The following MTHFD1 variants were observed in gnomAD, a reference collection of about 807,000 sequenced individuals.
MTHFD1 encodes the protein C-1-tetrahydrofolate synthase, cytoplasmic.
Under a neutral mutation model 110.3 loss-of-function variants are expected in MTHFD1, and 44 were observed. That is an observed-to-expected ratio of 0.40 (90% confidence interval 0.31 to 0.51). The LOEUF is 0.51. MTHFD1 is among the 20% of genes least tolerant of loss of function. The probability of loss-of-function intolerance (pLI) is 0.60; values close to 1 mark genes in which losing one functional copy is unlikely to be tolerated. For missense variants in MTHFD1, 909 were observed against 1,173.1 expected, an observed-to-expected ratio of 0.77 and a Z score of 3.29; for synonymous variants, 402 against 428.8, an observed-to-expected ratio of 0.94 and a Z score of 0.77.
chr14:64,434,132 A>C (rs2078185027), intron 15 of MTHFD1, among the ~76,000 whole-genome samples: 1 of 152,242 alleles, frequency 6.6e-6, no homozygotes, highest in South Asian at 2.1e-4. Context: ...TTATAGGGAC[A>C]AACATGTTAA....
At chr14:64,428,894 T>C (rs1566566162) in intron 12 of MTHFD1, among the ~76,000 whole-genome samples, 1 of 152,126 alleles carries the variant, frequency 6.6e-6, no homozygotes, top group African/African-American at 2.4e-5. Context: ...TTTGTTCTGC[T>C]CTTGAGCTTG....
chr14:64,403,560 G>A (rs1278461959), intron 2 of MTHFD1, among the ~76,000 whole-genome samples: 2 of 150,268 alleles, frequency 1.3e-5, no homozygotes, highest in African/African-American at 4.9e-5. Flanking sequence ...AAGCCACTGC[G>A]CCCAGCCTTA....
chr14:64,391,090 G>A (rs1011172943), intron 1 of MTHFD1, among the ~76,000 whole-genome samples: 2 of 152,330 alleles, frequency 1.3e-5, no homozygotes, highest in Admixed American at 1.3e-4. Flanking sequence ...CCCAGTATAT[G>A]ATGTTTTTCA....
chr14:64,411,541 A>G (rs1426818002), intron 3 of MTHFD1, among the ~76,000 whole-genome samples: 1 of 152,198 alleles, frequency 6.6e-6, no homozygotes, highest in African/African-American at 2.4e-5. Context: ...TTCATGTAAG[A>G]GGTGGGTAGG....
intron 4 of MTHFD1, among the ~76,000 whole-genome samples, chr14:64,414,932 A>G (rs189667851): frequency 0.011 from 1,719 of 150,258 alleles, 25 homozygotes; most frequent in Middle Eastern, 0.032. Context: ...CAGGTGATCC[A>G]CCCACCTCAG....
chr14:64,458,596 A>G, intron 27 of MTHFD1: 5 of 449,716 alleles, frequency 1.1e-5, no homozygotes, highest in South Asian at 1.1e-4. Context: ...ACTACAGGAG[A>G]GGTTAGACTC....
At chr14:64,456,787 A>G (rs766663919) in intron 26 of MTHFD1, among the ~76,000 whole-genome samples, 4 of 152,228 alleles carry the variant, frequency 2.6e-5, no homozygotes, top group Admixed American at 6.5e-5. Context: ...ATTGGTACTC[A>G]GAAGTCAGTC....
chr14:64,442,534 G>A (rs367869564), intron 21 of MTHFD1, 132 bp downstream of exon 21: 16 of 947,166 alleles, frequency 1.7e-5, no homozygotes, highest in African/African-American at 9.6e-5. Flanking sequence ...AGCAAGGGAC[G>A]GGCAGACAGC....
chr14:64,409,504 G>T (rs577078280), intron 2 of MTHFD1, among the ~76,000 whole-genome samples: 1 of 152,232 alleles, frequency 6.6e-6, no homozygotes, highest in South Asian at 2.1e-4. Context: ...TAATACTTTT[G>T]TATTTAGAAC....
At chr14:64,396,433 C>T (rs2077849722) in intron 1 of MTHFD1, among the ~76,000 whole-genome samples, 1 of 134,610 alleles carries the variant, frequency 7.4e-6, no homozygotes, top group Non-Finnish European at 1.5e-5. Context: ...CTCTTGTTGC[C>T]TAGGCTGGAG....
Position 64,411,127 on chromosome 14 carries a change from T to A in MTHFD1, c.164T>A (p.Val55Glu), listed in dbSNP as rs2077980072. The A allele has an allele frequency of 6.2e-7, 1 of 1,613,220 alleles. No individual in the cohort carries two copies. The highest frequency in any genetic ancestry group is 8.5e-7 in the Non-Finnish European group (1 of 1,179,692). Residue 55 changes from valine (V) to glutamate (E), a missense_variant, in exon 3 of 28, where the codon GTG (valine) becomes GAG (glutamate). Physicochemically the swap from Val to Glu is moderately radical, Grantham distance 121 (BLOSUM62 -2). This residue lies in a region of MTHFD1 where 424 missense variants were observed against 510.4 expected (regional missense o/e 0.83). Coordinates refer to ENST00000652337, the MANE Select transcript of MTHFD1 (RefSeq NM_005956.4). ...NRDDSNLYINVKLKAAEEIGI... is the reference protein window; with the variant it reads ...NRDDSNLYINEKLKAAEEIGI... ...GATGATTCCAATCTTTATATAAATG[T>A]GAAGCTGAAGGCTGCTGAAGAGGTA...
At chr14:64,401,171 T>C (rs1356614465) in intron 2 of MTHFD1, among the ~76,000 whole-genome samples, 2 of 152,098 alleles carry the variant, frequency 1.3e-5, no homozygotes, top group Non-Finnish European at 2.9e-5. Flanking sequence ...TATTTATTTA[T>C]TTACTTTTGA....
chr14:64,433,262 G>A (rs1485203922), intron 15 of MTHFD1, among the ~76,000 whole-genome samples: 1 of 151,894 alleles, frequency 6.6e-6, no homozygotes, highest in Non-Finnish European at 1.5e-5. Flanking sequence ...GGGGTTACAG[G>A]TGCCTGCCAC....
intron 2 of MTHFD1, among the ~76,000 whole-genome samples, chr14:64,401,259 T>G (rs2077894323): frequency 1.3e-5 from 2 of 152,210 alleles, no homozygotes; most frequent in African/African-American, 4.8e-5. Flanking sequence ...AACTCCTGGC[T>G]TCAAGCAGTC....
chr14:64,427,695 T>A (rs2078128436), intron 12 of MTHFD1, among the ~76,000 whole-genome samples: 1 of 152,224 alleles, frequency 6.6e-6, no homozygotes, highest in Admixed American at 6.5e-5. Flanking sequence ...TTCTCTGGGA[T>A]GGGTGATATG....
At chr14:64,403,336 A>G (rs1222620730) in intron 2 of MTHFD1, among the ~76,000 whole-genome samples, 2 of 151,520 alleles carry the variant, frequency 1.3e-5, no homozygotes, top group Admixed American at 6.6e-5. Flanking sequence ...ATGTAATGAC[A>G]TAATCTCAGC....
rs2077890283 is a variant in MTHFD1 at position 64,400,884 on chromosome 14, T to C, written c.126+7T>C. ...ACGCCTGGCAATATTACAGGTATTA[T>C]GATAGTGTATTTTCATTAATGTTGT... On this transcript the variant is annotated splice_region_variant and intron_variant, in intron 2 of 27. Transcript: ENST00000652337. 6.3e-7 allele frequency: 1 copy of C among 1,581,124 alleles called. No individual in the cohort carries two copies. The highest frequency in any genetic ancestry group is 2.2e-5 in the East Asian group (1 of 44,730).
At chr14:64,425,400 C>G (rs1301799182) in intron 9 of MTHFD1, among the ~76,000 whole-genome samples, 1 of 151,944 alleles carries the variant, frequency 6.6e-6, no homozygotes, top group Non-Finnish European at 1.5e-5. Context: ...TTAGTAGAGA[C>G]AGGTTTCTCC....
intron 15 of MTHFD1, among the ~76,000 whole-genome samples, chr14:64,432,715 A>G (rs2140969128): frequency 6.6e-6 from 1 of 152,320 alleles, no homozygotes; most frequent in South Asian, 2.1e-4. Context: ...AAGGGAGGGT[A>G]TGACCATAAA....
Sources: allele counts gnomAD v4.1 joint callset (sites outside exome capture counted in the v4.1 genomes callset), GRCh38; gene constraint gnomAD v4.1.1; regional missense constraint gnomAD v4.1.1; transcripts MANE v1.5; gene names NCBI Gene and HGNC (gene_info 2026-07-23, HGNC 2026-07-21).